Variants in ZNF100 observed in about 807,000 individuals in gnomAD.
The protein encoded by ZNF100 is zinc finger protein 100.
A neutral mutation model predicts 15.8 loss-of-function variants in ZNF100; 12 were observed. The ratio of observed to expected loss-of-function variants is 0.76; its 90% CI spans 0.49 to 1.23. ZNF100 has a LOEUF of 1.23. Among genes scored for constraint, ZNF100 ranks in the 50% most tolerant of loss-of-function variants. The probability of loss-of-function intolerance (pLI) is 0.00; values close to 1 mark genes in which losing one functional copy is unlikely to be tolerated. For missense variants in ZNF100, 670 were observed against 635.6 expected (o/e 1.05, Z -0.58); for synonymous variants, 226 against 214.8 (o/e 1.05, Z -0.45).
chr19:21,759,912 G>A (rs897146459), intron 2 of ZNF100, among the ~76,000 whole-genome samples: 6 of 152,310 alleles, frequency 3.9e-5, no homozygotes, highest in South Asian at 4.1e-4. Flanking sequence ...GCCAGGTGCA[G>A]TGGCTCACGC....
chr19:21,741,439 A>G (rs373624456), intron 4 of ZNF100, among the ~76,000 whole-genome samples: 3 of 152,228 alleles, frequency 2.0e-5, no homozygotes, highest in African/African-American at 7.2e-5. Context: ...GCAAGGGGCA[A>G]TCTTGGCTCA....
intron 4 of ZNF100, among the ~76,000 whole-genome samples, chr19:21,733,384 A>C (rs1317518851): frequency 6.6e-6 from 1 of 152,016 alleles, no homozygotes; most frequent in African/African-American, 2.4e-5. Flanking sequence ...CATTGTTTTA[A>C]CTTTAAGATG....
chr19:21,756,099 C>T lies in ZNF100; in HGVS notation c.96+9595G>A, dbSNP rs114842749. ...AAAAAAATGTTACTTATCACATAAACCAAAACTAAAGACAAAAACCACATG... is the reference window on the plus strand; with the variant it reads ...AAAAAAATGTTACTTATCACATAAATCAAAACTAAAGACAAAAACCACATG... On this transcript the variant is annotated intron_variant, in intron 2 of 4. Transcript: ENST00000358296. Among the ~76,000 whole-genome samples the T allele has an allele frequency of 4.2e-3, 632 of 152,180 alleles. 4 individuals carry two copies. The highest frequency in any genetic ancestry group is 0.015 in the African/African-American group (603 of 41,526).
chr19:21,746,228 T>C (rs1568303253), intron 2 of ZNF100, among the ~76,000 whole-genome samples: 1 of 152,246 alleles, frequency 6.6e-6, no homozygotes, highest in Non-Finnish European at 1.5e-5. Flanking sequence ...AAGTAAATTA[T>C]ATTCTGAATT....
chr19:21,761,371 G>C (rs1791822805), intron 2 of ZNF100, among the ~76,000 whole-genome samples: 1 of 152,102 alleles, frequency 6.6e-6, no homozygotes, highest in Admixed American at 6.5e-5. Context: ...TTTACAACAG[G>C]ACACAATTAG....
intron 4 of ZNF100, 30 bp from the exon 5 acceptor site, chr19:21,728,019 T>C (rs2035845508): frequency 1.4e-6 from 2 of 1,467,342 alleles, no homozygotes; most frequent in African/African-American, 2.8e-5. Flanking sequence ...CAAATTACTT[T>C]ACTTACTAGA....
chr19:21,738,022 G>A (rs563889901), intron 4 of ZNF100, among the ~76,000 whole-genome samples: 37 of 151,974 alleles, frequency 2.4e-4, no homozygotes, highest in African/African-American at 8.2e-4. Flanking sequence ...AGGCTGAGGC[G>A]GGCAGATCAG....
At chr19:21,756,059 A>T (rs1280505263) in intron 2 of ZNF100, among the ~76,000 whole-genome samples, 5 of 152,176 alleles carry the variant, frequency 3.3e-5, no homozygotes, top group Non-Finnish European at 7.4e-5. Context: ...TTTAGAAGAA[A>T]TTTTTTAAAA....
intron 2 of ZNF100, 102 bp from the exon 3 acceptor site, chr19:21,745,169 T>C: frequency 1.3e-6 from 2 of 1,487,776 alleles, no homozygotes; most frequent in South Asian, 2.9e-5. Flanking sequence ...AGAGAATTGG[T>C]TCTGATTAAT....
In ZNF100 at chr19:21,767,530, G is replaced by T. The variant is rs967532833; in HGVS notation, c.-101C>A. The T allele has an allele frequency of 6.5e-7, 1 of 1,538,766 alleles. No individual in the cohort carries two copies. On this transcript the variant is annotated 5_prime_UTR_variant, in exon 1 of 5. In the 5' UTR this introduces an upstream ATG that the reference lacks. Transcript: ENST00000358296. ...TAGGCCCCTAGGAGCAGAAGACACA[G>T]AGAAGTGAGAGCAAAACCTGGAGCT...
chr19:21,729,801 A>T (rs543905604), intron 4 of ZNF100, among the ~76,000 whole-genome samples: 1 of 152,244 alleles, frequency 6.6e-6, no homozygotes, highest in South Asian at 2.1e-4. Flanking sequence ...GTTAATAAAT[A>T]TACAACATAA....
chr19:21,760,546 T>C (rs1391896349), intron 2 of ZNF100, among the ~76,000 whole-genome samples: 1 of 151,946 alleles, frequency 6.6e-6, no homozygotes, highest in Non-Finnish European at 1.5e-5. Context: ...CCTAAAATCA[T>C]TGTATGCCAC....
At chr19:21,730,827 AAAC>A (rs1177683731) in intron 4 of ZNF100, among the ~76,000 whole-genome samples, 2 of 151,870 alleles carry the variant, frequency 1.3e-5, no homozygotes, top group Admixed American at 6.6e-5. Context: ...TGGGAGTATA[AAAC>A]AATAATAGAA....
Position 21,724,339 on chromosome 19 carries a change from A to G in ZNF100, c.*2344T>C, listed in dbSNP as rs982048961. 4.6e-5 allele frequency: 7 copies of G among 152,306 alleles called. No homozygotes were observed. Among genetic ancestry groups the G allele is most frequent in the African/African-American group, 1.7e-4 (7 of 41,564 alleles). The allele number at this position is 152,306 out of a possible 1,614,324, so 9.4% of individuals were successfully genotyped here. On this transcript the variant is annotated 3_prime_UTR_variant, in exon 5 of 5. Transcript: ENST00000358296. Reference sequence around the variant, plus strand: ...CAAACTCACTCTATAATTTTCTTACACTTAAGGTTTATCTTTAGACTAACA... The same window carrying G: ...CAAACTCACTCTATAATTTTCTTACGCTTAAGGTTTATCTTTAGACTAACA...
At position 21,727,156 on chromosome 19, in the gene ZNF100, A is replaced by T. The variant is rs369456587; in HGVS notation, c.1156T>A (p.Ser386Thr). 4 of 1,611,780 alleles carry T rather than the reference A, an allele frequency of 2.5e-6. No individual in the cohort carries two copies. The African/African-American group carries it at 5.3e-5, about 22-fold the overall frequency. Reference protein sequence around the residue: ...EECGKAFYRFSYLTKHKTSHT... With the variant: ...EECGKAFYRFTYLTKHKTSHT... ...CTTGTCTTATGTTTAGTAAGGTATG[A>T]GAATCGGTAAAAAGCTTTGCCACAT... is the stretch of plus-strand genomic sequence containing the variant. The change falls in exon 5 of 5, where the codon TCA becomes ACA. Residue 386 changes from serine (S) to threonine (T), a missense_variant. By Grantham distance (58) the Ser-to-Thr change is moderately conservative. Coordinates refer to ENST00000358296, the MANE Select transcript of ZNF100 (RefSeq NM_173531.4).
chr19:21,729,797 A>G (rs999981950), intron 4 of ZNF100, among the ~76,000 whole-genome samples: 1 of 152,056 alleles, frequency 6.6e-6, no homozygotes, highest in Non-Finnish European at 1.5e-5. Flanking sequence ...ATCTGTTAAT[A>G]AATATACAAC....
At chr19:21,751,051 G>A (rs867663095) in intron 2 of ZNF100, 40 of 1,375,528 alleles carry the variant, frequency 2.9e-5, no homozygotes, top group Middle Eastern at 4.7e-4. Flanking sequence ...CAGCGACCAC[G>A]AGATGCCCTA....
chr19:21,730,479 T>TGTGTGC (rs61603026), intron 4 of ZNF100, among the ~76,000 whole-genome samples: 1 of 151,460 alleles, frequency 6.6e-6, no homozygotes, highest in East Asian at 1.9e-4. Context: ...TGTGTGTGTG[T>TGTGTGC]ATCTCACATT....
In ZNF100 at chr19:21,725,745, G is replaced by A. The variant is rs1568283688; in HGVS notation, c.*938C>T. On this transcript the variant is annotated 3_prime_UTR_variant, in exon 5 of 5. Transcript: ENST00000358296. Reference sequence around the variant, plus strand: ...ACTGCAAAAAATTTCTACTTTTAAAGTTATATACAAATATTTTACCAATTT... The same window carrying A: ...ACTGCAAAAAATTTCTACTTTTAAAATTATATACAAATATTTTACCAATTT... 6.6e-6 allele frequency: 1 copy of A among 152,012 alleles called. No individual in the cohort carries two copies. Among genetic ancestry groups the A allele is most frequent in the East Asian group, 1.9e-4 (1 of 5,200 alleles). The allele number at this position is 152,012 out of a possible 1,614,324, so 9.4% of individuals were successfully genotyped here.
Sources: gnomAD v4.1 joint callset for allele counts (sites outside exome capture counted in the v4.1 genomes callset) on GRCh38, gnomAD v4.1.1 for gene constraint, MANE v1.5 for transcripts, NCBI Gene and HGNC (gene_info 2026-07-23, HGNC 2026-07-21) for gene names.